Variants in SLC6A4 observed in about 807,000 individuals in gnomAD.
SLC6A4 encodes sodium-dependent serotonin transporter.
In SLC6A4, 22 loss-of-function variants were observed where a neutral mutation model predicts 73.4. That is an observed-to-expected ratio of 0.30 (90% CI 0.21 to 0.43). The LOEUF is 0.43. Among genes scored for constraint, SLC6A4 ranks in the 20% least tolerant of loss-of-function variants. The pLI is 1.00. For missense variants in SLC6A4, 593 were observed against 808.5 expected (o/e 0.73, Z 3.23); for synonymous variants, 270 against 315.5 (o/e 0.86, Z 1.53).
At chr17:30,228,523 T>C (rs1906993332) in intron 1 of SLC6A4, among the ~76,000 whole-genome samples, 1 of 152,174 alleles carries the variant, frequency 6.6e-6, no homozygotes, top group Non-Finnish European at 1.5e-5. Context: ...TCTCAATCAG[T>C]GCTTGGGGTC....
Position 30,218,942 on chromosome 17 carries a change from T to G in SLC6A4, c.344-11A>C, listed in dbSNP as rs1906665760. 1 of 1,613,664 alleles carries G rather than the reference T, an allele frequency of 6.2e-7. No individual in the cohort carries two copies. The highest frequency in any genetic ancestry group is 1.1e-5 in the South Asian group (1 of 91,064). On this transcript the variant is annotated splice_polypyrimidine_tract_variant and intron_variant, in intron 3 of 14. Coordinates refer to ENST00000650711, the MANE Select transcript of SLC6A4 (RefSeq NM_001045.6). ...GGAGGAGGAATGCCCCTGAGGCAGA[T>G]GAAAGACAATTTCACTCCCTGCCCA...
At position 30,197,169 on chromosome 17, in the gene SLC6A4, T is replaced by C. The variant is rs1905889328; in HGVS notation, c.*1287A>G. On this transcript the variant is annotated 3_prime_UTR_variant, in exon 15 of 15. Coordinates refer to ENST00000650711, the MANE Select transcript of SLC6A4 (RefSeq NM_001045.6). Reference sequence around the variant, plus strand: ...AGACACCAAAGGCCAAATTTACTTATCTATATTAAGGGCCTTATGTGAAAT... The same window carrying C: ...AGACACCAAAGGCCAAATTTACTTACCTATATTAAGGGCCTTATGTGAAAT... The C allele has an allele frequency of 6.6e-6, 1 of 152,302 alleles. No individual in the cohort carries two copies. Among genetic ancestry groups the C allele is most frequent in the Non-Finnish European group, 1.5e-5 (1 of 68,030 alleles). The allele number at this position is 152,302 out of a possible 1,614,324, so 9.4% of individuals were successfully genotyped here.
At chr17:30,233,718 C>T (rs958491108) in intron 1 of SLC6A4, among the ~76,000 whole-genome samples, 4 of 152,130 alleles carry the variant, frequency 2.6e-5, no homozygotes, top group African/African-American at 9.7e-5. Flanking sequence ...TCAACAACAA[C>T]CAAAAGTGAC....
In SLC6A4 at chr17:30,210,529, C is replaced by T. The variant is rs1408481123; in HGVS notation, c.1435G>A (p.Val479Ile). 6.2e-7 allele frequency: 1 copy of T among 1,613,396 alleles called. No individual in the cohort carries two copies. Among genetic ancestry groups the T allele is most frequent in the Non-Finnish European group, 8.5e-7 (1 of 1,179,728 alleles). ...ATGATACTCACAAAAGTCAGGGTGA[C>T]CAGGGATCCAAAGAAGCAGGTGATG... Reference protein sequence around the residue: ...VVITCFFGSLVTLTFGGAYVV... With the variant: ...VVITCFFGSLITLTFGGAYVV... The change falls in exon 11 of 15, where the codon GTC becomes ATC. Residue 479 changes from valine (V) to isoleucine (I), a missense_variant. Transcript: ENST00000650711.
At position 30,196,666 on chromosome 17, in the gene SLC6A4, T is replaced by A. The variant is rs1296775280; in HGVS notation, c.*1790A>T. On this transcript the variant is annotated 3_prime_UTR_variant, in exon 15 of 15. Coordinates refer to ENST00000650711, the MANE Select transcript of SLC6A4 (RefSeq NM_001045.6). ...TTTAGATCACTTCCTTCTTTCAGCA[T>A]GCTAGACAGTAAAGAGAATGGGCAT... 6.6e-6 allele frequency: 1 copy of A among 152,340 alleles called. No homozygotes were observed. The highest frequency in any genetic ancestry group is 1.5e-5 in the Non-Finnish European group (1 of 68,036). 9.4% of individuals were successfully genotyped at this position (152,340 alleles called of 1,614,324 possible).
At chr17:30,224,646 C>G (rs929343476) in intron 1 of SLC6A4, among the ~76,000 whole-genome samples, 1 of 152,182 alleles carries the variant, frequency 6.6e-6, no homozygotes, top group East Asian at 1.9e-4. Context: ...AGAGGGTCTA[C>G]GGAAGGGAAA....
chr17:30,218,022 T>A (rs960483495), intron 5 of SLC6A4, 96 bp downstream of exon 5: 6 of 890,934 alleles, frequency 6.7e-6, no homozygotes, highest in Non-Finnish European at 1.1e-5. Flanking sequence ...CAGAAAGGGG[T>A]GAGGAGCCCT....
intron 14 of SLC6A4, among the ~76,000 whole-genome samples, chr17:30,199,672 T>C (rs1905970257): frequency 6.6e-6 from 1 of 152,186 alleles, no homozygotes; most frequent in South Asian, 2.1e-4. Flanking sequence ...AGTATCTGTG[T>C]ACTGAACTTT....
intron 1 of SLC6A4, among the ~76,000 whole-genome samples, chr17:30,226,865 T>A (rs1480791013): frequency 3.1e-5 from 1 of 32,638 alleles, no homozygotes; most frequent in Non-Finnish European, 6.1e-5. Flanking sequence ...AGAGTGAGAC[T>A]CTGTCTCAAA....
At chr17:30,222,314 C>T (rs1265426045) in intron 2 of SLC6A4, among the ~76,000 whole-genome samples, 2 of 152,172 alleles carry the variant, frequency 1.3e-5, no homozygotes, top group East Asian at 3.9e-4. Context: ...ATAAAACCAA[C>T]ACAAATAGAC....
In SLC6A4 at chr17:30,218,143, T is replaced by C; in HGVS notation, c.673A>G (p.Thr225Ala). ...EDNITWTLHS[T>A]SPAEEFYTRH... ...GTGTAAAATTCTTCAGCAGGGGACG[T>C]GGAATGGAGGGTCCAGGTGATGTTG... Residue 225 changes from threonine (T) to alanine (A), a missense_variant, in exon 5 of 15, where the codon ACG (threonine) becomes GCG (alanine). By Grantham distance (58) the Thr-to-Ala change is moderately conservative. Transcript: ENST00000650711. 1.9e-6 allele frequency: 3 copies of C among 1,614,146 alleles called. No individual in the cohort carries two copies. The highest frequency in any genetic ancestry group is 2.5e-6 in the Non-Finnish European group (3 of 1,180,008).
chr17:30,212,875 G>T lies in SLC6A4; in HGVS notation c.1077-8C>A, dbSNP rs766768424. 7 of 1,613,996 alleles carry T rather than the reference G, an allele frequency of 4.3e-6. No homozygotes were observed. Among genetic ancestry groups the T allele is most frequent in the Middle Eastern group, 3.3e-4 (2 of 6,062 alleles). ...CTGGTCACCAGGGCATCTCTGGAGG[G>T]GAAAACCCAAGGGGCCGCCTGAGAC... On this transcript the variant is annotated splice_region_variant and splice_polypyrimidine_tract_variant and intron_variant, in intron 8 of 14. Coordinates refer to ENST00000650711, the MANE Select transcript of SLC6A4 (RefSeq NM_001045.6).
chr17:30,200,403 AC>A (rs1415215092), intron 14 of SLC6A4, among the ~76,000 whole-genome samples: 1 of 152,204 alleles, frequency 6.6e-6, no homozygotes, highest in Non-Finnish European at 1.5e-5. Flanking sequence ...CTCATTAGGG[AC>A]CATTTTCCAG....
chr17:30,221,015 C>T (rs1015345076), intron 3 of SLC6A4, among the ~76,000 whole-genome samples: 2 of 133,168 alleles, frequency 1.5e-5, no homozygotes, highest in African/African-American at 5.8e-5. Context: ...CTCGCTCTGT[C>T]GCCTAGGCTG....
At chr17:30,207,978 G>C (rs1478096899) in intron 12 of SLC6A4, 146 bp from the exon 13 acceptor site, 3 of 620,432 alleles carry the variant, frequency 4.8e-6, no homozygotes, top group Non-Finnish European at 8.6e-6. Flanking sequence ...TCCTACCCCG[G>C]ACACACAGGG....
intron 8 of SLC6A4, 150 bp downstream of exon 8, chr17:30,215,461 G>A: frequency 1.5e-6 from 1 of 678,752 alleles, no homozygotes. Context: ...GGGTGAGCTG[G>A]TCAGGGGCCT....
In SLC6A4 at chr17:30,215,658, G is replaced by A. The variant is rs891528739; in HGVS notation, c.1029C>T (p.Val343=). The A allele has an allele frequency of 3.1e-6, 5 of 1,613,992 alleles. No individual in the cohort carries two copies. Among genetic ancestry groups the A allele is most frequent in the African/African-American group, 2.7e-5 (2 of 74,888 alleles). The part of the protein sequence containing the change: ...IFFSLGPGFG[V]LLAFASYNKF... ...TGTTGTAGCTAGCAAAAGCCAGCAG[G>A]ACCCCAAAGCCCGGACCAAGAGAGA... The change falls in exon 8 of 15, where the codon GTC becomes GTT. Residue 343 remains valine (V), a synonymous_variant. Coordinates refer to ENST00000650711, the MANE Select transcript of SLC6A4 (RefSeq NM_001045.6).
chr17:30,223,563 C>T (rs1388257752), intron 1 of SLC6A4, among the ~76,000 whole-genome samples: 3 of 152,146 alleles, frequency 2.0e-5, no homozygotes, highest in South Asian at 2.1e-4. Context: ...TAGGGTTTGG[C>T]GTTTGCTGCA....
At chr17:30,214,936 C>T (rs868418409) in intron 8 of SLC6A4, among the ~76,000 whole-genome samples, 2 of 150,988 alleles carry the variant, frequency 1.3e-5, no homozygotes, top group Middle Eastern at 3.3e-3. Context: ...CCCCGTCTCT[C>T]TCTTTCTTTC....
Sources: gnomAD v4.1 joint callset for allele counts (sites outside exome capture counted in the v4.1 genomes callset) on GRCh38, gnomAD v4.1.1 for gene constraint, MANE v1.5 for transcripts, NCBI Gene and HGNC (gene_info 2026-07-23, HGNC 2026-07-21) for gene names.